Variants in HIVEP2 observed in about 807,000 individuals in gnomAD.
HIVEP2 encodes the protein HIVEP zinc finger 2.
A neutral mutation model predicts 180.7 loss-of-function variants in HIVEP2; 14 were observed. That is an observed-to-expected ratio of 0.08 (90% CI 0.05 to 0.12). HIVEP2 has a LOEUF of 0.12. Among genes scored for constraint, HIVEP2 ranks in the 10% least tolerant of loss-of-function variants. The probability of loss-of-function intolerance (pLI) is 1.00; values close to 1 mark genes in which losing one functional copy is unlikely to be tolerated. For synonymous variants in HIVEP2, 1,184 were observed against 1,136.4 expected (o/e 1.04, Z -0.84); for missense variants, 2,579 against 3,008.5 (o/e 0.86, Z 3.34).
At chr6:142,815,952 A>G (rs1776823311) in intron 2 of HIVEP2, among the ~76,000 whole-genome samples, 1 of 152,250 alleles carries the variant, frequency 6.6e-6, no homozygotes. Flanking sequence ...AGTTCTTGCT[A>G]TACACATAAC....
intron 1 of HIVEP2, among the ~76,000 whole-genome samples, chr6:142,902,981 A>G (rs188759573): frequency 1.6e-4 from 25 of 152,338 alleles, no homozygotes; most frequent in Admixed American, 1.5e-3. Flanking sequence ...ACGCTGAACT[A>G]CTAACGCTAC....
chr6:142,861,573 C>A (rs535360681), intron 1 of HIVEP2, among the ~76,000 whole-genome samples: 5 of 152,110 alleles, frequency 3.3e-5, no homozygotes, highest in Admixed American at 1.3e-4. Flanking sequence ...TTTTCCCATC[C>A]GACTGTTGGT....
At chr6:142,811,239 A>G (rs1776690686) in intron 2 of HIVEP2, among the ~76,000 whole-genome samples, 1 of 152,112 alleles carries the variant, frequency 6.6e-6, no homozygotes. Context: ...GAGAAAGCGC[A>G]AACAAGCTGA....
chr6:142,869,212 T>C (rs1465562025), intron 1 of HIVEP2, among the ~76,000 whole-genome samples: 1 of 152,172 alleles, frequency 6.6e-6, no homozygotes, highest in Non-Finnish European at 1.5e-5. Context: ...AATGCCAAGG[T>C]TGAGAAATCC....
At chr6:142,925,156 G>A (rs554018396) in intron 1 of HIVEP2, among the ~76,000 whole-genome samples, 205 of 152,206 alleles carry the variant, frequency 1.3e-3, no homozygotes, top group African/African-American at 4.7e-3. Context: ...CCACACAAAC[G>A]TTCCATACAA....
At chr6:142,827,964 C>T (rs1348592267) in intron 2 of HIVEP2, among the ~76,000 whole-genome samples, 2 of 152,172 alleles carry the variant, frequency 1.3e-5, no homozygotes, top group Non-Finnish European at 2.9e-5. Flanking sequence ...TAAGTAATAA[C>T]CTTTAGAATG....
intron 1 of HIVEP2, among the ~76,000 whole-genome samples, chr6:142,886,325 G>A (rs184263472): frequency 2.0e-4 from 31 of 152,088 alleles, no homozygotes; most frequent in Non-Finnish European, 4.1e-4. Flanking sequence ...TTATGAGGAG[G>A]GAAATAACTT....
chr6:142,818,482 G>C (rs1296363964), intron 2 of HIVEP2, among the ~76,000 whole-genome samples: 1 of 151,822 alleles, frequency 6.6e-6, no homozygotes, highest in African/African-American at 2.4e-5. Context: ...TTCAAGACTA[G>C]CCTGGGCAAC....
At chr6:142,822,796 C>T (rs1287577242) in intron 2 of HIVEP2, among the ~76,000 whole-genome samples, 1 of 152,110 alleles carries the variant, frequency 6.6e-6, no homozygotes, top group African/African-American at 2.4e-5. Flanking sequence ...AACAGATTTA[C>T]AGGATAGAAG....
intron 1 of HIVEP2, among the ~76,000 whole-genome samples, chr6:142,882,632 G>A (rs1030219853): frequency 1.7e-4 from 25 of 150,416 alleles, no homozygotes; most frequent in African/African-American, 5.8e-4. Flanking sequence ...AGAAAGGGGG[G>A]GAGGGGAGGG....
At chr6:142,880,810 A>T (rs1368640422) in intron 1 of HIVEP2, among the ~76,000 whole-genome samples, 1 of 152,126 alleles carries the variant, frequency 6.6e-6, no homozygotes, top group East Asian at 1.9e-4. Flanking sequence ...GGCCACAATC[A>T]CAACTGCAGG....
At chr6:142,845,563 A>G (rs1466329109) in intron 1 of HIVEP2, among the ~76,000 whole-genome samples, 1 of 152,212 alleles carries the variant, frequency 6.6e-6, no homozygotes, top group African/African-American at 2.4e-5. Flanking sequence ...GGATATTACC[A>G]GAAGTTACAG....
chr6:142,944,990 A>G (rs955168299), intron 1 of HIVEP2, 109 bp downstream of exon 1: 1 of 150,220 alleles, frequency 6.7e-6, no homozygotes. Flanking sequence ...AAATGCCCAG[A>G]GCCAGCGCCT....
chr6:142,789,050 A>AT (rs1776075285), intron 2 of HIVEP2, among the ~76,000 whole-genome samples: 2 of 152,186 alleles, frequency 1.3e-5, no homozygotes, highest in Admixed American at 1.3e-4. Context: ...TATATACTTT[A>AT]TTTTGTGTGA....
rs534607521 is a variant in HIVEP2 at position 142,812,143 on chromosome 6, G to A, written c.-528+24792C>T. 1.1e-4 allele frequency among the ~76,000 whole-genome samples: 16 copies of A among 152,312 alleles called. No homozygotes were observed. In the East Asian group the frequency reaches 2.9e-3, roughly 28 times the overall value. ...GTCCAGGGAGCCGAAGATGGTTAAAGGTCACAGGGTGAAATACCAGGGAGG... is the reference window on the plus strand; with the variant it reads ...GTCCAGGGAGCCGAAGATGGTTAAAAGTCACAGGGTGAAATACCAGGGAGG... On this transcript the variant is annotated intron_variant, in intron 2 of 9. Transcript: ENST00000367603.
chr6:142,814,258 T>C (rs544511410), intron 2 of HIVEP2, among the ~76,000 whole-genome samples: 8 of 152,236 alleles, frequency 5.3e-5, no homozygotes, highest in African/African-American at 1.9e-4. Flanking sequence ...AGAAACCAGG[T>C]ATATTCTGGG....
intron 1 of HIVEP2, among the ~76,000 whole-genome samples, chr6:142,867,806 T>A (rs1384894635): frequency 1.3e-5 from 2 of 152,230 alleles, no homozygotes; most frequent in African/African-American, 4.8e-5. Context: ...ATGCAAGACT[T>A]GGTTGCTATC....
At chr6:142,862,642 TAATA>T (rs1401239159) in intron 1 of HIVEP2, among the ~76,000 whole-genome samples, 1 of 144,428 alleles carries the variant, frequency 6.9e-6, no homozygotes, top group Non-Finnish European at 1.5e-5. Context: ...TTATGAAATG[TAATA>T]TATATTGCAT....
chr6:142,814,204 T>C (rs555145441), intron 2 of HIVEP2, among the ~76,000 whole-genome samples: 77 of 152,180 alleles, frequency 5.1e-4, no homozygotes, highest in Admixed American at 1.8e-3. Flanking sequence ...AAATGTGACA[T>C]CAGAGGCAGA....
Sources: gnomAD v4.1 joint callset for allele counts (sites outside exome capture counted in the v4.1 genomes callset) on GRCh38, gnomAD v4.1.1 for gene constraint, MANE v1.5 for transcripts, NCBI Gene and HGNC (gene_info 2026-07-23, HGNC 2026-07-21) for gene names.